EDA: variants seen among roughly 807,000 people sequenced by gnomAD.
The protein encoded by EDA is ectodysplasin-A.
Under a neutral mutation model 23.6 loss-of-function variants are expected in EDA, and 2 were observed. The observed-to-expected ratio is 0.08, with a 90% CI of 0.03 to 0.27. EDA has a LOEUF of 0.27. EDA is among the 10% of genes least tolerant of loss of function. EDA has a pLI of 1.00. For synonymous variants in EDA, 131 were observed against 132.0 expected (o/e 0.99, Z 0.05); for missense variants, 229 against 324.2 (o/e 0.71, Z 2.26).
At chrX:69,873,590 A>G (rs1002419936) in intron 1 of EDA, among the ~76,000 whole-genome samples, 2 of 112,396 alleles carry the variant, frequency 1.8e-5, no homozygotes, top group Non-Finnish European at 3.8e-5. Flanking sequence ...GAAATACAAA[A>G]TATCATTCAA....
chrX:69,835,265 G>C (rs1032020189), intron 1 of EDA, among the ~76,000 whole-genome samples: 2 of 111,671 alleles, frequency 1.8e-5, no homozygotes, highest in African/African-American at 6.5e-5. Flanking sequence ...GGCCTGCCTT[G>C]GTAGGTTGGG....
At chrX:69,628,989 A>G (rs982258788) in intron 1 of EDA, among the ~76,000 whole-genome samples, 37 of 111,110 alleles carry the variant, frequency 3.3e-4, no homozygotes, top group Non-Finnish European at 5.7e-4. Flanking sequence ...TGTTCCATAT[A>G]TATACCTCAG....
chrX:69,820,929 A>G (rs1056519959), intron 1 of EDA, among the ~76,000 whole-genome samples: 1 of 111,513 alleles, frequency 9.0e-6, no homozygotes, highest in Non-Finnish European at 1.9e-5. Context: ...ATAAAGATAC[A>G]TGCACACATA....
At chrX:69,688,928 A>T in intron 1 of EDA, among the ~76,000 whole-genome samples, 1 of 112,258 alleles carries the variant, frequency 8.9e-6, no homozygotes, top group East Asian at 2.8e-4. Flanking sequence ...TAATTTTTAT[A>T]CGTGGTGTGA....
At chrX:69,662,059 T>A (rs1259245887) in intron 1 of EDA, among the ~76,000 whole-genome samples, 1 of 111,446 alleles carries the variant, frequency 9.0e-6, no homozygotes, top group African/African-American at 3.3e-5. Context: ...GTACATTAGA[T>A]CTCTAGACTT....
intron 1 of EDA, among the ~76,000 whole-genome samples, chrX:69,840,829 G>A (rs994708541): frequency 3.6e-4 from 40 of 111,893 alleles, no homozygotes; most frequent in African/African-American, 1.0e-3. Flanking sequence ...TTCTCTGGCA[G>A]GCAGAAACAT....
intron 1 of EDA, among the ~76,000 whole-genome samples, chrX:69,809,402 C>T (rs2015889342): frequency 9.0e-6 from 1 of 111,090 alleles, no homozygotes; most frequent in Non-Finnish European, 1.9e-5. Context: ...ATCATGAGGA[C>T]AGCAAGGGGG....
intron 1 of EDA, among the ~76,000 whole-genome samples, chrX:69,769,791 G>T (rs1024612963): frequency 4.5e-5 from 5 of 110,593 alleles, no homozygotes; most frequent in Non-Finnish European, 7.6e-5. Flanking sequence ...ATTTTCATCT[G>T]ATGTCATTTT....
chrX:70,006,638 A>G (rs1179934094), intron 2 of EDA, among the ~76,000 whole-genome samples: 1 of 111,197 alleles, frequency 9.0e-6, no homozygotes, highest in East Asian at 2.8e-4. Context: ...CTGTTTTCTT[A>G]TTGTTATAAG....
chrX:69,659,267 A>G (rs1197045962), intron 1 of EDA, among the ~76,000 whole-genome samples: 3 of 112,288 alleles, frequency 2.7e-5, no homozygotes, highest in Non-Finnish European at 1.9e-5. Context: ...AAATGAGTTG[A>G]CTGATACAAA....
chrX:69,828,311 T>C lies in EDA; in HGVS notation c.397-128716T>C, dbSNP rs752539475. On this transcript the variant is annotated intron_variant, in intron 1 of 7. Transcript: ENST00000374552. ...CCCCTCTCCCAGCCTCGCTGCCGCC[T>C]TGCAGTTTGATCTCAGACTGCTGTG... 6.1e-3 allele frequency among the ~76,000 whole-genome samples: 682 copies of C among 112,206 alleles called. 2 individuals are homozygous for C. Among genetic ancestry groups the C allele is most frequent in the Non-Finnish European group, 0.01 (542 of 53,162 alleles).
rs184048415 is a variant in EDA, at chrX:70,032,869, G to T, written c.794-529G>T. Among the ~76,000 whole-genome samples, 7 of 112,411 alleles carry T rather than the reference G, an allele frequency of 6.2e-5. No individual in the cohort carries two copies. In the East Asian group the frequency reaches 1.7e-3, roughly 27 times the overall value. ...CTCCAGATAGACAGTGGGCTGAGTG[G>T]TTTCCTCCCAGGGAGGCTTTCCAGA... On this transcript the variant is annotated intron_variant, in intron 6 of 7. Coordinates refer to ENST00000374552, the MANE Select transcript of EDA (RefSeq NM_001399.5).
chrX:69,654,011 G>A (rs1933203739), intron 1 of EDA, among the ~76,000 whole-genome samples: 1 of 110,691 alleles, frequency 9.0e-6, no homozygotes, highest in East Asian at 2.8e-4. Flanking sequence ...GAGTGAACAG[G>A]CAACCTACAG....
intron 1 of EDA, among the ~76,000 whole-genome samples, chrX:69,810,879 A>G (rs1325895772): frequency 9.0e-6 from 1 of 111,488 alleles, no homozygotes; most frequent in Non-Finnish European, 1.9e-5. Flanking sequence ...ATAGTTGTCC[A>G]TTAGGGTGAT....
In EDA at chrX:69,616,336, G is replaced by A. The variant is rs754851778; in HGVS notation, c.28G>A (p.Glu10Lys). The A allele has an allele frequency of 6.7e-6, 8 of 1,202,747 alleles. No homozygotes were observed. In the South Asian group the frequency reaches 8.8e-5, roughly 13 times the overall value. MGYPEVERR[E>K]LLPAAAPRER... is the part of the protein sequence containing the mutation. ...GGGCTACCCGGAGGTGGAGCGCAGG[G>A]AACTCCTGCCTGCAGCAGCGCCGCG... Residue 10 changes from glutamate (E) to lysine (K), a missense_variant, in exon 1 of 8, where the codon GAA becomes AAA. Physicochemically the swap from Glu to Lys is moderately conservative, Grantham distance 56 (BLOSUM62 1). This residue lies in a region of EDA where 54 missense variants were observed against 42.4 expected (regional missense o/e 1.27). Coordinates refer to ENST00000374552, the MANE Select transcript of EDA (RefSeq NM_001399.5).
chrX:70,018,870 C>CA (rs1261069744), intron 2 of EDA, among the ~76,000 whole-genome samples: 1 of 111,537 alleles, frequency 9.0e-6, no homozygotes, highest in Admixed American at 9.5e-5. Flanking sequence ...TCCTGCATAG[C>CA]AAAACAGCAA....
At chrX:70,017,248 CA>C (rs1403355759) in intron 2 of EDA, among the ~76,000 whole-genome samples, 2 of 111,643 alleles carry the variant, frequency 1.8e-5, no homozygotes, top group Non-Finnish European at 3.8e-5. Context: ...AGCACAGGAC[CA>C]GGTGGATTCA....
chrX:69,803,624 G>A (rs888209321), intron 1 of EDA, among the ~76,000 whole-genome samples: 1 of 111,187 alleles, frequency 9.0e-6, no homozygotes, highest in Non-Finnish European at 1.9e-5. Flanking sequence ...AGGGTAACTA[G>A]CATATCTATC....
intron 1 of EDA, among the ~76,000 whole-genome samples, chrX:69,648,906 C>T (rs6625495): frequency 1.8e-5 from 2 of 111,741 alleles, no homozygotes; most frequent in East Asian, 5.7e-4. Context: ...ACAAGGTGAT[C>T]TCCTGATCCA....
Sources: gnomAD v4.1 joint callset for allele counts (sites outside exome capture counted in the v4.1 genomes callset) on GRCh38, gnomAD v4.1.1 for gene constraint, gnomAD v4.1.1 regional missense constraint, MANE v1.5 for transcripts, NCBI Gene and HGNC (gene_info 2026-07-23, HGNC 2026-07-21) for gene names.